Variants in FRMPD4 observed in about 807,000 individuals in gnomAD.
FRMPD4 encodes the protein FERM and PDZ domain containing 4, also known as FERM and PDZ domain-containing protein 4.
Under a neutral mutation model 94.1 loss-of-function variants are expected in FRMPD4, and 22 were observed. That is an observed-to-expected ratio of 0.23 (90% confidence interval 0.17 to 0.33). FRMPD4 has a LOEUF of 0.33. Ranked by LOEUF, FRMPD4 falls within the 10% of genes least tolerant of loss-of-function variation. The pLI, the probability that FRMPD4 is intolerant of heterozygous loss-of-function variation, is 1.00. For synonymous variants in FRMPD4, 631 were observed against 548.6 expected (o/e 1.15, Z -2.10); for missense variants, 1,111 against 1,339.9 (o/e 0.83, Z 2.67).
At chrX:12,210,653 G>A (rs1216021626) in intron 1 of FRMPD4, among the ~76,000 whole-genome samples, 2 of 110,396 alleles carry the variant, frequency 1.8e-5, no homozygotes, top group South Asian at 8.1e-4. Flanking sequence ...TGCTCCCAGT[G>A]AGTGAGTCTG....
intron 1 of FRMPD4, among the ~76,000 whole-genome samples, chrX:12,161,357 C>T (rs2056023103): frequency 9.0e-6 from 1 of 111,585 alleles, no homozygotes; most frequent in Non-Finnish European, 1.9e-5. Flanking sequence ...TGGGGTTTTA[C>T]CATGTTGGCC....
At chrX:12,084,215 C>T (rs1286022704) in intron 3 of FRMPD4, among the ~76,000 whole-genome samples, 3 of 104,771 alleles carry the variant, frequency 2.9e-5, no homozygotes, top group Non-Finnish European at 5.8e-5. Flanking sequence ...GCTGGTCTTT[C>T]CTGTGCTATT....
chrX:12,549,061 C>T (rs1205933233), intron 2 of FRMPD4, among the ~76,000 whole-genome samples: 7 of 111,472 alleles, frequency 6.3e-5, no homozygotes, highest in African/African-American at 2.0e-4. Context: ...CTGTTCTCCC[C>T]TCTTTTCTCA....
At chrX:12,289,222 T>TAAAATATG (rs1470979845) in intron 1 of FRMPD4, among the ~76,000 whole-genome samples, 2 of 111,770 alleles carry the variant, frequency 1.8e-5, no homozygotes, top group Non-Finnish European at 1.9e-5. Flanking sequence ...AGGAAAGGTT[T>TAAAATATG]AAAATATGAT....
At chrX:12,520,739 C>T (rs1026025970) in intron 2 of FRMPD4, among the ~76,000 whole-genome samples, 8 of 112,001 alleles carry the variant, frequency 7.1e-5, no homozygotes, top group African/African-American at 2.3e-4. Context: ...CAGAATCAGC[C>T]ATGCTACTCA....
chrX:12,323,885 C>A (rs1244213368), intron 1 of FRMPD4, among the ~76,000 whole-genome samples: 1 of 111,445 alleles, frequency 9.0e-6, no homozygotes, highest in Non-Finnish European at 1.9e-5. Flanking sequence ...AGAGCAGGAT[C>A]GGTTGCTATA....
At position 12,012,217 on chromosome X, in the gene FRMPD4, A is replaced by G. The variant is rs144558504; in HGVS notation, c.95+134199A>G. ...CCCAGCCCTGAATGCTTTTTATTTC[A>G]TTTTCTTGCCTAATTGCCCTGGCTA... On this transcript the variant is annotated intron_variant, in intron 3 of 18. Coordinates refer to the FRMPD4 transcript ENST00000640291. 4.0e-3 allele frequency among the ~76,000 whole-genome samples: 445 copies of G among 110,929 alleles called. 3 individuals are homozygous for G. The highest frequency in any genetic ancestry group is 0.014 in the African/African-American group (423 of 30,481).
chrX:11,923,668 C>A (rs771302719), intron 3 of FRMPD4, among the ~76,000 whole-genome samples: 1 of 112,237 alleles, frequency 8.9e-6, no homozygotes, highest in Non-Finnish European at 1.9e-5. Flanking sequence ...GAGAGTTGAG[C>A]CTTGACCTCT....
intron 4 of FRMPD4, among the ~76,000 whole-genome samples, chrX:12,616,656 A>G (rs1414288771): frequency 8.9e-6 from 1 of 112,456 alleles, no homozygotes; most frequent in Non-Finnish European, 1.9e-5. Flanking sequence ...GAATATAGAA[A>G]GACTCTGTAT....
intron 3 of FRMPD4, among the ~76,000 whole-genome samples, chrX:11,894,989 C>CT (rs1170756531): frequency 1.8e-5 from 2 of 112,313 alleles, no homozygotes; most frequent in Non-Finnish European, 3.8e-5. Flanking sequence ...CAAGTGGAAT[C>CT]ACCTGTCTAA....
At chrX:12,570,045 A>T (rs970539800) in intron 2 of FRMPD4, among the ~76,000 whole-genome samples, 2 of 112,179 alleles carry the variant, frequency 1.8e-5, no homozygotes, top group Non-Finnish European at 3.8e-5. Context: ...TTTGCCTTAT[A>T]TTCTTCATTA....
chrX:11,984,830 C>A (rs912366384), intron 3 of FRMPD4, among the ~76,000 whole-genome samples: 5 of 112,234 alleles, frequency 4.5e-5, no homozygotes, highest in Non-Finnish European at 9.4e-5. Context: ...AAAAAATACT[C>A]TTACAACTCA....
At chrX:12,013,388 G>A (rs2054590367) in intron 3 of FRMPD4, among the ~76,000 whole-genome samples, 1 of 111,797 alleles carries the variant, frequency 8.9e-6, no homozygotes, top group Non-Finnish European at 1.9e-5. Context: ...GCCACTGTGG[G>A]GTACATGGTA....
In FRMPD4 at chrX:12,426,876, GTTTTTTTTTGTT is replaced by G. The variant is rs2056951439; in HGVS notation, c.42-71796_42-71785del. On this transcript the variant is annotated intron_variant, in intron 1 of 16. Coordinates refer to ENST00000675598, the MANE Select transcript of FRMPD4 (RefSeq NM_001368397.1). ...CTATTTTTTGAGGCTTCTAGCTGTA[GTTTTTTTTTGTT>G]TTTTTTTAACTGGATTAGAATCCTG... is the stretch of plus-strand genomic sequence containing the variant. Among the ~76,000 whole-genome samples, 10 of 55,947 alleles carry G rather than the reference GTTTTTTTTTGTT, an allele frequency of 1.8e-4. No individual in the cohort carries two copies. The South Asian group carries it at 0.022, about 126-fold the overall frequency. 48.6% of individuals were successfully genotyped at this position (55,947 alleles called of 115,157 possible). A position where few individuals can be genotyped will look rare whatever the true frequency, so the allele number is the denominator to read the frequency against.
At chrX:12,417,993 C>CAAAAAAAAAAAA (rs757060426) in intron 1 of FRMPD4, among the ~76,000 whole-genome samples, 1 of 34,069 alleles carries the variant, frequency 2.9e-5, no homozygotes. Context: ...GACTCTGTCT[C>CAAAAAAAAAAAA]AAAAAAAAAA....
intron 1 of FRMPD4, among the ~76,000 whole-genome samples, chrX:12,366,210 C>T (rs2056075538): frequency 9.0e-6 from 1 of 111,694 alleles, no homozygotes; most frequent in African/African-American, 3.3e-5. Flanking sequence ...TCAATGAAGG[C>T]AAAGAATATG....
intron 1 of FRMPD4, among the ~76,000 whole-genome samples, chrX:12,308,054 T>C (rs1377786668): frequency 8.9e-6 from 1 of 111,865 alleles, no homozygotes. Flanking sequence ...TTCAGGGACA[T>C]CACAACCTTG....
chrX:12,306,339 T>C (rs1336140154), intron 1 of FRMPD4, among the ~76,000 whole-genome samples: 3 of 111,849 alleles, frequency 2.7e-5, no homozygotes, highest in African/African-American at 9.7e-5. Context: ...GAGGGCCAGG[T>C]TGACATGTCT....
chrX:12,637,186 A>T (rs2059450641), intron 4 of FRMPD4, among the ~76,000 whole-genome samples: 1 of 112,417 alleles, frequency 8.9e-6, no homozygotes, highest in Non-Finnish European at 1.9e-5. Flanking sequence ...TTAAATCTTT[A>T]TCTCTTCTTT....
Sources: allele counts gnomAD v4.1 joint callset (sites outside exome capture counted in the v4.1 genomes callset), GRCh38; gene constraint gnomAD v4.1.1; transcripts MANE v1.5; gene names NCBI Gene and HGNC (gene_info 2026-07-23, HGNC 2026-07-21).